The following KDM2A variants were observed in gnomAD, a reference collection of about 807,000 sequenced individuals.
KDM2A encodes the protein lysine demethylase 2A.
In KDM2A, 3 loss-of-function variants were observed where a neutral mutation model predicts 137.3. The ratio of observed to expected loss-of-function variants is 0.02; its 90% confidence interval spans 0.01 to 0.06. The LOEUF (loss-of-function observed/expected upper bound fraction) is 0.06, where lower values mean the gene tolerates loss of function less well. Among genes scored for constraint, KDM2A ranks in the 10% least tolerant of loss-of-function variants. The pLI is 1.00. For synonymous variants in KDM2A, 512 were observed against 541.5 expected, an observed-to-expected ratio of 0.95 and a Z score of 0.76; for missense variants, 738 against 1,510.6, an observed-to-expected ratio of 0.49 and a Z score of 8.48.
At chr11:67,252,274 G>A in intron 17 of KDM2A, 1 of 195,956 alleles carries the variant, frequency 5.1e-6, no homozygotes, top group Non-Finnish European at 1.1e-5. Context: ...GACAAGGGAG[G>A]GAACGGAGCA....
intron 2 of KDM2A, among the ~76,000 whole-genome samples, chr11:67,153,113 T>C (rs1455523639): frequency 6.6e-6 from 1 of 152,182 alleles, no homozygotes; most frequent in Non-Finnish European, 1.5e-5. Flanking sequence ...TTCTCCCAAG[T>C]AGCTGGGATT....
chr11:67,145,605 G>A (rs986148798), intron 2 of KDM2A, among the ~76,000 whole-genome samples: 1 of 151,520 alleles, frequency 6.6e-6, no homozygotes, highest in Non-Finnish European at 1.5e-5. Context: ...TTACCCTAAC[G>A]TTATACTACT....
chr11:67,200,693 G>A (rs1266178055), intron 5 of KDM2A, among the ~76,000 whole-genome samples: 1 of 151,756 alleles, frequency 6.6e-6, no homozygotes, highest in East Asian at 1.9e-4. Flanking sequence ...TTTTGGTAGA[G>A]ACACAGTTTG....
At chr11:67,124,631 T>TC (rs1590699590) in intron 2 of KDM2A, among the ~76,000 whole-genome samples, 1 of 151,066 alleles carries the variant, frequency 6.6e-6, no homozygotes, top group East Asian at 1.9e-4. Flanking sequence ...TTTTTTTTTT[T>TC]TTTTTTAAAC....
chr11:67,217,658 C>T, intron 8 of KDM2A, 73 bp from the exon 9 acceptor site: 1 of 1,459,214 alleles, frequency 6.9e-7, no homozygotes, highest in Middle Eastern at 1.8e-4. Flanking sequence ...AATTTTGTAC[C>T]TGTTTATCAG....
At chr11:67,186,287 GTA>G (rs1273652571) in intron 5 of KDM2A, among the ~76,000 whole-genome samples, 1 of 152,142 alleles carries the variant, frequency 6.6e-6, no homozygotes, top group East Asian at 1.9e-4. Context: ...GGTATCCTCA[GTA>G]AAATTATGAA....
intron 5 of KDM2A, among the ~76,000 whole-genome samples, chr11:67,202,078 A>T (rs1011369766): frequency 6.6e-6 from 1 of 152,206 alleles, no homozygotes; most frequent in South Asian, 2.1e-4. Context: ...GAGGGGTTCA[A>T]GACTTCAGTG....
chr11:67,147,489 C>A (rs1856279294), intron 2 of KDM2A, among the ~76,000 whole-genome samples: 1 of 150,840 alleles, frequency 6.6e-6, no homozygotes, highest in Non-Finnish European at 1.5e-5. Flanking sequence ...TTGCAGTGAG[C>A]CGAGATCGCG....
At chr11:67,140,147 C>T (rs1856065532) in intron 2 of KDM2A, among the ~76,000 whole-genome samples, 1 of 151,980 alleles carries the variant, frequency 6.6e-6, no homozygotes, top group African/African-American at 2.4e-5. Flanking sequence ...GAGTTCAAGG[C>T]TTGAGCTCAG....
chr11:67,239,598 G>A (rs1332895968), intron 12 of KDM2A, among the ~76,000 whole-genome samples: 1 of 152,206 alleles, frequency 6.6e-6, no homozygotes, highest in Non-Finnish European at 1.5e-5. Flanking sequence ...AGTTCATCCA[G>A]AGAGGCGGAA....
At chr11:67,148,673 T>C (rs964264814) in intron 2 of KDM2A, among the ~76,000 whole-genome samples, 1 of 151,892 alleles carries the variant, frequency 6.6e-6, no homozygotes, top group Non-Finnish European at 1.5e-5. Context: ...TGGTGGTGGG[T>C]GCCTGTAATC....
Position 67,159,401 on chromosome 11 carries a change from AT to A in KDM2A, c.43-20675del, listed in dbSNP as rs562815186. Among the ~76,000 whole-genome samples the A allele has an allele frequency of 5.5e-3, 841 of 152,252 alleles. 31 individuals carry two copies. The highest frequency in any genetic ancestry group is 6.2e-4 in the Non-Finnish European group (42 of 68,020). On this transcript the variant is annotated intron_variant, in intron 2 of 20. Coordinates refer to ENST00000529006, the MANE Select transcript of KDM2A (RefSeq NM_012308.3). Reference sequence around the variant, plus strand: ...GTCTGTTTTCTCATTGTATAGATTAATTTGTTTTCCTAAGCTACATTATTTG... The same window carrying A: ...GTCTGTTTTCTCATTGTATAGATTAATTGTTTTCCTAAGCTACATTATTTG...
intron 2 of KDM2A, among the ~76,000 whole-genome samples, chr11:67,139,511 C>T (rs980444517): frequency 6.6e-6 from 1 of 152,082 alleles, no homozygotes; most frequent in Non-Finnish European, 1.5e-5. Flanking sequence ...CCCCAAAGTG[C>T]TAGGATTACA....
chr11:67,176,395 G>A (rs1856974116), intron 2 of KDM2A, among the ~76,000 whole-genome samples: 1 of 152,138 alleles, frequency 6.6e-6, no homozygotes, highest in Admixed American at 6.5e-5. Context: ...TTAAATTCTA[G>A]ATTTGATGTT....
chr11:67,185,275 T>G (rs1042337941), intron 5 of KDM2A, among the ~76,000 whole-genome samples: 10 of 152,286 alleles, frequency 6.6e-5, no homozygotes, highest in Admixed American at 3.9e-4. Flanking sequence ...CAATGGAGAT[T>G]ATTAAGTCTA....
At chr11:67,182,544 T>G (rs1391419060) in intron 5 of KDM2A, among the ~76,000 whole-genome samples, 1 of 150,218 alleles carries the variant, frequency 6.7e-6, no homozygotes, top group Non-Finnish European at 1.5e-5. Context: ...TTTTTTTTTT[T>G]TTTTTTGAGA....
intron 6 of KDM2A, among the ~76,000 whole-genome samples, chr11:67,211,565 G>T (rs1296731602): frequency 8.8e-6 from 1 of 113,464 alleles, no homozygotes; most frequent in East Asian, 3.1e-4. Flanking sequence ...AGTGAGCCAT[G>T]ATCACACCAC....
chr11:67,236,500 T>C (rs1345384121), intron 12 of KDM2A, among the ~76,000 whole-genome samples: 1 of 152,214 alleles, frequency 6.6e-6, no homozygotes, highest in Non-Finnish European at 1.5e-5. Context: ...GTTCTTAATA[T>C]ATATGCATAT....
rs1021211553 is a variant in KDM2A, at chr11:67,252,589, A to AC, written c.2769-104dup. ...GTGATCCCTGTACACTTGTAGAAGA[A>AC]CGAGCCTCCAGGTACTCTGCTTTTC... On this transcript the variant is annotated intron_variant, in intron 17 of 20. Transcript: ENST00000529006. The AC allele has an allele frequency of 4.0e-6, 5 of 1,249,076 alleles. No homozygotes were observed. In the Admixed American group the frequency reaches 5.8e-5, roughly 15 times the overall value. The allele number at this position is 1,249,076 out of a possible 1,614,324, so 77.4% of individuals were successfully genotyped here. A position where few individuals can be genotyped will look rare whatever the true frequency, so the allele number is the denominator to read the frequency against.
Sources: gnomAD v4.1 joint callset for allele counts (sites outside exome capture counted in the v4.1 genomes callset) on GRCh38, gnomAD v4.1.1 for gene constraint, MANE v1.5 for transcripts, NCBI Gene and HGNC (gene_info 2026-07-23, HGNC 2026-07-21) for gene names.